Variants in LARS2 observed in about 807,000 individuals in gnomAD.
The protein encoded by LARS2 is leucine--tRNA ligase, mitochondrial.
In LARS2, 81 loss-of-function variants were observed where a neutral mutation model predicts 116.6. That is an observed-to-expected ratio of 0.69 (90% CI 0.58 to 0.84). The LOEUF (loss-of-function observed/expected upper bound fraction) is 0.84. Ranked by LOEUF, LARS2 falls within the 40% of genes least tolerant of loss-of-function variation. The pLI is 0.00. For synonymous variants in LARS2, 396 were observed against 407.2 expected (o/e 0.97, Z 0.33); for missense variants, 968 against 1,114.5 (o/e 0.87, Z 1.87).
chr3:45,413,467 G>A (rs1221211672), intron 4 of LARS2, among the ~76,000 whole-genome samples: 1 of 152,238 alleles, frequency 6.6e-6, no homozygotes, highest in African/African-American at 2.4e-5. Context: ...ATTCAAGGTA[G>A]CTGCTTTCAG....
At chr3:45,487,713 A>G (rs1699839675) in intron 11 of LARS2, among the ~76,000 whole-genome samples, 1 of 152,142 alleles carries the variant, frequency 6.6e-6, no homozygotes, top group Non-Finnish European at 1.5e-5. Flanking sequence ...AACAAAGTCC[A>G]CAATGTCAGT....
At chr3:45,470,597 C>T (rs1427266894) in intron 8 of LARS2, among the ~76,000 whole-genome samples, 1 of 152,178 alleles carries the variant, frequency 6.6e-6, no homozygotes, top group African/African-American at 2.4e-5. Flanking sequence ...GGCCAAATGG[C>T]AACCACAGGG....
Position 45,547,381 on chromosome 3 carries a change from G to A in LARS2, c.2563G>A (p.Val855Met). 6.2e-7 allele frequency: 1 copy of A among 1,611,026 alleles called. No homozygotes were observed. The highest frequency in any genetic ancestry group is 8.5e-7 in the Non-Finnish European group (1 of 1,179,130). ...INNKACGKIP[V>M]PQQVARDQDK... ...CAATAAAGCTTGTGGCAAAATTCCTGTGCCCCAACAAGTTGCCCGGGACCA... is the reference window on the plus strand; with the variant it reads ...CAATAAAGCTTGTGGCAAAATTCCTATGCCCCAACAAGTTGCCCGGGACCA... The change falls in exon 22 of 22, where the codon GTG (valine) becomes ATG (methionine). Residue 855 changes from valine to methionine, a missense_variant. Val to Met is a conservative substitution (Grantham distance 21). Transcript: ENST00000645846.
chr3:45,426,088 G>A (rs1559464895), intron 6 of LARS2, among the ~76,000 whole-genome samples: 1 of 151,906 alleles, frequency 6.6e-6, no homozygotes, highest in African/African-American at 2.4e-5. Context: ...AGCACGATTT[G>A]TATGATTACA....
intron 15 of LARS2, among the ~76,000 whole-genome samples, chr3:45,503,659 A>C (rs1217143025): frequency 6.6e-6 from 1 of 151,486 alleles, no homozygotes; most frequent in African/African-American, 2.4e-5. Flanking sequence ...CAGAAGCATA[A>C]TTGCTGGATT....
At chr3:45,444,453 G>A (rs1384438148) in intron 6 of LARS2, among the ~76,000 whole-genome samples, 16 of 134,502 alleles carry the variant, frequency 1.2e-4, no homozygotes, top group Non-Finnish European at 2.6e-4. Flanking sequence ...CACGAGGTCA[G>A]GAGATCGAGA....
At chr3:45,418,473 G>A (rs968010579) in intron 5 of LARS2, among the ~76,000 whole-genome samples, 8 of 152,126 alleles carry the variant, frequency 5.3e-5, no homozygotes, top group Non-Finnish European at 1.0e-4. Flanking sequence ...ATAAAAAGAG[G>A]AGGAAATGAT....
chr3:45,491,144 C>T (rs1030313476), intron 12 of LARS2, among the ~76,000 whole-genome samples: 2 of 152,130 alleles, frequency 1.3e-5, no homozygotes, highest in African/African-American at 4.8e-5. Flanking sequence ...TAAAGCAAGC[C>T]ACAGAACCAG....
chr3:45,494,193 T>C (rs1699971394), intron 13 of LARS2, among the ~76,000 whole-genome samples: 1 of 152,152 alleles, frequency 6.6e-6, no homozygotes, highest in African/African-American at 2.4e-5. Flanking sequence ...CCCAAAGCCC[T>C]GCCAGATCTA....
rs544026623 is a variant in LARS2 at position 45,402,259 on chromosome 3, A to G, written c.363+1886A>G. ...CCTAACACACAGTATGTAACCAATAAGTATTAGCAATTGCCAGCAGTGGAC... is the reference window on the plus strand; with the variant it reads ...CCTAACACACAGTATGTAACCAATAGGTATTAGCAATTGCCAGCAGTGGAC... On this transcript the variant is annotated intron_variant, in intron 4 of 21. Coordinates refer to ENST00000645846, the MANE Select transcript of LARS2 (RefSeq NM_015340.4). 8.5e-5 allele frequency among the ~76,000 whole-genome samples: 13 copies of G among 152,356 alleles called. No homozygotes were observed. The South Asian group carries it at 2.5e-3, about 29-fold the overall frequency.
At chr3:45,416,925 T>A (rs1170403875) in intron 4 of LARS2, among the ~76,000 whole-genome samples, 1 of 151,652 alleles carries the variant, frequency 6.6e-6, no homozygotes, top group Non-Finnish European at 1.5e-5. Context: ...ATAAAAAAAA[T>A]TAGCTGGGTG....
intron 16 of LARS2, among the ~76,000 whole-genome samples, chr3:45,515,043 C>T (rs1700351682): frequency 6.6e-6 from 1 of 152,200 alleles, no homozygotes; most frequent in Non-Finnish European, 1.5e-5. Context: ...TAGGTCTGTA[C>T]ATCGGTCCCC....
intron 13 of LARS2, among the ~76,000 whole-genome samples, chr3:45,494,859 A>G (rs888114735): frequency 2.0e-5 from 3 of 152,136 alleles, no homozygotes; most frequent in Non-Finnish European, 2.9e-5. Flanking sequence ...CTTGAGGTCA[A>G]GAGTTCGAGA....
intron 8 of LARS2, among the ~76,000 whole-genome samples, chr3:45,471,109 T>A (rs4682787): frequency 1.4e-5 from 2 of 144,634 alleles, no homozygotes; most frequent in African/African-American, 2.8e-5. Context: ...AAAACAAAAA[T>A]AGCTCTTTAA....
chr3:45,448,005 T>C (rs1699049504), intron 7 of LARS2, among the ~76,000 whole-genome samples: 2 of 152,172 alleles, frequency 1.3e-5, no homozygotes, highest in South Asian at 4.1e-4. Flanking sequence ...CTCAGCACTT[T>C]GGGAGATTGA....
chr3:45,483,782 A>C (rs935189776), intron 10 of LARS2, among the ~76,000 whole-genome samples: 1 of 152,204 alleles, frequency 6.6e-6, no homozygotes, highest in African/African-American at 2.4e-5. Context: ...TGCTGGCTGG[A>C]GACCCATTGG....
At chr3:45,460,144 G>C (rs751619733) in intron 8 of LARS2, among the ~76,000 whole-genome samples, 7 of 152,194 alleles carry the variant, frequency 4.6e-5, no homozygotes, top group Non-Finnish European at 7.3e-5. Context: ...TCTTAAATGA[G>C]GTTGTTTTTC....
intron 14 of LARS2, among the ~76,000 whole-genome samples, chr3:45,496,741 A>G (rs958410927): frequency 6.6e-6 from 1 of 152,194 alleles, no homozygotes; most frequent in African/African-American, 2.4e-5. Context: ...AGCCTGGGAG[A>G]GCAACATGGG....
intron 7 of LARS2, among the ~76,000 whole-genome samples, chr3:45,453,412 G>A (rs1243664665): frequency 6.6e-6 from 1 of 152,192 alleles, no homozygotes; most frequent in Non-Finnish European, 1.5e-5. Flanking sequence ...GGGAATGAGG[G>A]CGAGTCCCCT....
Sources: allele counts gnomAD v4.1 joint callset (sites outside exome capture counted in the v4.1 genomes callset), GRCh38; gene constraint gnomAD v4.1.1; transcripts MANE v1.5; gene names NCBI Gene and HGNC (gene_info 2026-07-23, HGNC 2026-07-21).